CYFIP2: variants seen among roughly 807,000 people sequenced by gnomAD.
The protein encoded by CYFIP2 is cytoplasmic FMR1-interacting protein 2.
A neutral mutation model predicts 158.7 loss-of-function variants in CYFIP2; 29 were observed. That is an observed-to-expected ratio of 0.18 (90% confidence interval 0.14 to 0.25). The LOEUF (loss-of-function observed/expected upper bound fraction) is 0.25. Ranked by LOEUF, CYFIP2 falls within the 10% of genes least tolerant of loss-of-function variation. The pLI is 1.00. For missense variants in CYFIP2, 852 were observed against 1,639.5 expected, an observed-to-expected ratio of 0.52 and a Z score of 8.29; for synonymous variants, 585 against 617.6, an observed-to-expected ratio of 0.95 and a Z score of 0.78.
At chr5:157,385,275 TA>T (rs762767836) in intron 28 of CYFIP2, among the ~76,000 whole-genome samples, 13 of 152,208 alleles carry the variant, frequency 8.5e-5, no homozygotes, top group Non-Finnish European at 1.3e-4. Flanking sequence ...GTCAAATGCC[TA>T]GTGTTTAACA....
At chr5:157,339,299 G>T (rs372141823) in intron 22 of CYFIP2, 43 bp downstream of exon 22, 122 of 1,573,266 alleles carry the variant, frequency 7.8e-5, no homozygotes, top group Non-Finnish European at 9.7e-5. Context: ...GGGGGTTGGG[G>T]GAGTGGCCAG....
chr5:157,389,048 T>C, intron 28 of CYFIP2, 141 bp from the exon 29 acceptor site: 2 of 662,474 alleles, frequency 3.0e-6, no homozygotes, highest in Non-Finnish European at 4.9e-6. Context: ...ATCATCAATT[T>C]TGTGCCCTGC....
intron 28 of CYFIP2, 91 bp from the exon 29 acceptor site, chr5:157,389,098 A>C: frequency 7.9e-7 from 1 of 1,272,936 alleles, no homozygotes; most frequent in Non-Finnish European, 1.1e-6. Context: ...TTTCAGGTGC[A>C]GCCAGCTCCA....
Position 157,268,710 on chromosome 5 carries a change from T to C in CYFIP2, c.-24+2515T>C, listed in dbSNP as rs74741563. Among the ~76,000 whole-genome samples the C allele has an allele frequency of 3.5e-3, 534 of 152,326 alleles. 1 individual carries two copies. The highest frequency in any genetic ancestry group is 0.012 in the African/African-American group (515 of 41,566). On this transcript the variant is annotated intron_variant, in intron 1 of 30. Transcript: ENST00000620254. ...CGTAACAATGAGTCTATTTCTTTACTGGCAAGTATTAATTATTCACTTGTA... is the reference window on the plus strand; with the variant it reads ...CGTAACAATGAGTCTATTTCTTTACCGGCAAGTATTAATTATTCACTTGTA...
At chr5:157,289,771 G>A (rs770256039) in intron 3 of CYFIP2, among the ~76,000 whole-genome samples, 1 of 152,076 alleles carries the variant, frequency 6.6e-6, no homozygotes, top group South Asian at 2.1e-4. Context: ...AATTTGGGGG[G>A]CACACAATTC....
chr5:157,270,662 G>T (rs1756016954), intron 1 of CYFIP2, among the ~76,000 whole-genome samples: 1 of 152,222 alleles, frequency 6.6e-6, no homozygotes, highest in South Asian at 2.1e-4. Flanking sequence ...ATGGGAAAGA[G>T]AAATGAGGAC....
At position 157,311,626 on chromosome 5, in the gene CYFIP2, G is replaced by A. The variant is rs1026289030; in HGVS notation, c.993-38G>A. 2 of 1,556,374 alleles carry A rather than the reference G, an allele frequency of 1.3e-6. No homozygotes were observed. The highest frequency in any genetic ancestry group is 2.7e-5 in the African/African-American group (2 of 73,406). On this transcript the variant is annotated intron_variant, in intron 10 of 30. Coordinates refer to ENST00000620254, the MANE Select transcript of CYFIP2 (RefSeq NM_001037333.3). This position sits in a 1 kb window ranked among gnomAD's most constrained non-coding sequence, Gnocchi z 4.7. ...ATGCCTGTTCCACCCAGGCGCCTGA[G>A]GCTGGGACCCTCTCCGACCCCATAA...
At chr5:157,390,457 T>TACCAACCAAA in intron 29 of CYFIP2, 64 bp from the exon 30 acceptor site, 1 of 1,366,624 alleles carries the variant, frequency 7.3e-7, no homozygotes, top group Non-Finnish European at 1.0e-6. Context: ...AAGATGAGGC[T>TACCAACCAAA]CCCTCCCTCC....
In CYFIP2 at chr5:157,389,440, C is replaced by A. The variant is rs754669397; in HGVS notation, c.3446+13C>A. On this transcript the variant is annotated intron_variant, in intron 29 of 30. Coordinates refer to ENST00000620254, the MANE Select transcript of CYFIP2 (RefSeq NM_001037333.3). ...AGTTCACAGCTGAGTGAGTACCCCCCAGAGAAGGCAGGGTTACCCCCAACC... is the reference window on the plus strand; with the variant it reads ...AGTTCACAGCTGAGTGAGTACCCCCAAGAGAAGGCAGGGTTACCCCCAACC... 27 of 1,556,526 alleles carry A rather than the reference C, an allele frequency of 1.7e-5. No individual in the cohort carries two copies. The highest frequency in any genetic ancestry group is 2.3e-5 in the East Asian group (1 of 43,472).
At chr5:157,376,852 C>T (rs1229313473) in intron 26 of CYFIP2, 1 of 456,392 alleles carries the variant, frequency 2.2e-6, no homozygotes, top group Admixed American at 2.4e-5. Context: ...AGGGCCTAGG[C>T]CTCACATCTA....
At chr5:157,267,405 C>G (rs371246587) in intron 1 of CYFIP2, among the ~76,000 whole-genome samples, 1 of 152,184 alleles carries the variant, frequency 6.6e-6, no homozygotes, top group Non-Finnish European at 1.5e-5. Context: ...TGGATACAGG[C>G]TGTGCCAGCA....
chr5:157,325,679 C>G, intron 17 of CYFIP2, 41 bp downstream of exon 17: 5 of 1,550,182 alleles, frequency 3.2e-6, no homozygotes, highest in Non-Finnish European at 4.4e-6. Context: ...TCCTGGGGTA[C>G]AAGTAGAGGG....
chr5:157,368,368 C>A lies in CYFIP2; in HGVS notation c.3039+6770C>A, dbSNP rs1005522914. Among the ~76,000 whole-genome samples, 3 of 152,146 alleles carry A rather than the reference C, an allele frequency of 2.0e-5. No homozygotes were observed. The East Asian group carries it at 5.8e-4, about 29-fold the overall frequency. On this transcript the variant is annotated intron_variant, in intron 26 of 30. Coordinates refer to ENST00000620254, the MANE Select transcript of CYFIP2 (RefSeq NM_001037333.3). Reference sequence around the variant, plus strand: ...AAGTAAAAGCCCCATCTCAGCCACCCCTCTCAGACCGTCACTCCATACACC... The same window carrying A: ...AAGTAAAAGCCCCATCTCAGCCACCACTCTCAGACCGTCACTCCATACACC...
chr5:157,335,390 G>T (rs1761777070), intron 21 of CYFIP2, among the ~76,000 whole-genome samples: 1 of 152,170 alleles, frequency 6.6e-6, no homozygotes, highest in Non-Finnish European at 1.5e-5. Context: ...CAATTCTCCT[G>T]CCTCAGCCTC....
intron 15 of CYFIP2, among the ~76,000 whole-genome samples, chr5:157,323,538 C>T (rs1355146654): frequency 6.6e-6 from 1 of 152,210 alleles, no homozygotes; most frequent in Non-Finnish European, 1.5e-5. Context: ...AGTGCCTGGC[C>T]TTGAACCCCG....
chr5:157,390,779 G>A, intron 30 of CYFIP2, 111 bp downstream of exon 30: 1 of 1,503,346 alleles, frequency 6.7e-7, no homozygotes, highest in Non-Finnish European at 9.0e-7. Context: ...TCCCCACACG[G>A]CAAGTACAAA....
chr5:157,342,817 T>C (rs771414260), intron 23 of CYFIP2: 14 of 1,549,162 alleles, frequency 9.0e-6, no homozygotes, highest in Non-Finnish European at 1.1e-5. Context: ...ACCTACTGTG[T>C]GGAAAGCTTT....
At position 157,296,668 on chromosome 5, in the gene CYFIP2, C is replaced by G. The variant is rs1758281031; in HGVS notation, c.286-5C>G. On this transcript the variant is annotated splice_polypyrimidine_tract_variant and splice_region_variant and intron_variant, in intron 4 of 30. Transcript: ENST00000620254. ...GGATGTGTGTGTCCCCATTATCCCC[C>G]ACAGGTGAAATGCAACGAGCAGCCC... 2 of 1,612,978 alleles carry G rather than the reference C, an allele frequency of 1.2e-6. No individual in the cohort carries two copies. Among genetic ancestry groups the G allele is most frequent in the East Asian group, 4.5e-5 (2 of 44,854 alleles).
intron 23 of CYFIP2, among the ~76,000 whole-genome samples, chr5:157,349,374 G>T (rs752741170): frequency 7.2e-5 from 11 of 152,110 alleles, no homozygotes; most frequent in Non-Finnish European, 1.3e-4. Context: ...AATCATGTTT[G>T]GTTTTCCATT....
Sources: gnomAD v4.1 joint callset for allele counts (sites outside exome capture counted in the v4.1 genomes callset) on GRCh38, gnomAD v4.1.1 for gene constraint, Gnocchi (gnomAD v3.1) non-coding constraint, MANE v1.5 for transcripts, NCBI Gene and HGNC (gene_info 2026-07-23, HGNC 2026-07-21) for gene names.